The following ANO6 variants were observed in gnomAD, a reference collection of about 807,000 sequenced individuals.
The protein encoded by ANO6 is anoctamin-6.
ANO6 carries 106 observed loss-of-function variants against 117.5 expected under a neutral mutation model. That is an observed-to-expected ratio of 0.90 (90% confidence interval 0.77 to 1.06). The LOEUF (loss-of-function observed/expected upper bound fraction) is 1.06. ANO6 is among the 50% of genes least tolerant of loss of function. The pLI is 0.00. For synonymous variants in ANO6, 367 were observed against 385.1 expected (o/e 0.95, Z 0.55); for missense variants, 955 against 1,121.1 (o/e 0.85, Z 2.12).
intron 1 of ANO6, among the ~76,000 whole-genome samples, chr12:45,237,319 G>C (rs940874582): frequency 5.1e-4 from 77 of 152,192 alleles, no homozygotes; most frequent in African/African-American, 1.6e-3. Flanking sequence ...GTCCTGAATG[G>C]TATTGCCTAG....
In ANO6 at chr12:45,428,751, T is replaced by G. The variant is rs559580690; in HGVS notation, c.2527-354T>G. 2.6e-5 allele frequency among the ~76,000 whole-genome samples: 4 copies of G among 152,338 alleles called. No individual in the cohort carries two copies. The East Asian group carries it at 7.7e-4, about 29-fold the overall frequency. On this transcript the variant is annotated intron_variant, in intron 19 of 19. Coordinates refer to ENST00000320560, the MANE Select transcript of ANO6 (RefSeq NM_001025356.3). Reference sequence around the variant, plus strand: ...ATGATAGCACTGACTTTTGGAGAAGTGCAAGGCCATTAGAAAAAGAGACAC... The same window carrying G: ...ATGATAGCACTGACTTTTGGAGAAGGGCAAGGCCATTAGAAAAAGAGACAC...
intron 1 of ANO6, among the ~76,000 whole-genome samples, chr12:45,231,545 A>G (rs1474752210): frequency 1.3e-5 from 2 of 152,222 alleles, no homozygotes; most frequent in African/African-American, 4.8e-5. Flanking sequence ...TATTCACTTT[A>G]TATTTAAGCC....
Position 45,222,397 on chromosome 12 carries a change from G to A in ANO6, c.70+6006G>A, listed in dbSNP as rs1592832926. ...GCTGGTTTCGAACTCCTGATCTCAG[G>A]TGATCCGCCTGCCTCGGCCTCCCAA... On this transcript the variant is annotated intron_variant, in intron 1 of 19. Coordinates refer to ENST00000320560, the MANE Select transcript of ANO6 (RefSeq NM_001025356.3). 3.3e-5 allele frequency among the ~76,000 whole-genome samples: 5 copies of A among 152,212 alleles called. No individual in the cohort carries two copies. The South Asian group carries it at 1.0e-3, about 32-fold the overall frequency.
chr12:45,439,840 A>G, exon 20 of ANO6: 1 of 1,538,018 alleles, frequency 6.5e-7, no homozygotes, highest in Non-Finnish European at 8.8e-7. Flanking sequence ...TATATTTTCT[A>G]TTTCAATAAT....
chr12:45,361,220 A>G (rs1383919344), intron 8 of ANO6, among the ~76,000 whole-genome samples: 1 of 152,062 alleles, frequency 6.6e-6, no homozygotes, highest in Non-Finnish European at 1.5e-5. Context: ...TCTATCAACA[A>G]TATTTTATAG....
chr12:45,345,020 G>A (rs71461108), intron 3 of ANO6, among the ~76,000 whole-genome samples: 8,470 of 152,164 alleles, frequency 0.056, 465 homozygotes, highest in East Asian at 0.32. Context: ...CCCTATCTGA[G>A]TGGGGCATTT....
exon 20 of ANO6, chr12:45,439,743 A>G: frequency 6.5e-7 from 1 of 1,540,986 alleles, no homozygotes; most frequent in South Asian, 1.2e-5. Context: ...TCCGCCTCCC[A>G]GTTGACTGCT....
chr12:45,339,885 T>C (rs1164572808), intron 3 of ANO6, among the ~76,000 whole-genome samples: 1 of 152,112 alleles, frequency 6.6e-6, no homozygotes, highest in Non-Finnish European at 1.5e-5. Flanking sequence ...GCTATAAGAA[T>C]ATTTGAAATC....
downstream of ANO6, among the ~76,000 whole-genome samples, chr12:45,437,249 CAT>C (rs1363121474): frequency 6.6e-6 from 1 of 152,162 alleles, no homozygotes; most frequent in African/African-American, 2.4e-5. Context: ...CTCTCACGAG[CAT>C]AGAGTGGAGT....
Position 45,347,969 on chromosome 12 carries a change from G to T in ANO6, c.346-59G>T, listed in dbSNP as rs1362156650. 3.3e-6 allele frequency: 5 copies of T among 1,537,306 alleles called. No homozygotes were observed. The African/African-American group carries it at 6.8e-5, about 21-fold the overall frequency. On this transcript the variant is annotated intron_variant, in intron 4 of 19. Transcript: ENST00000320560. The stretch of plus-strand genomic sequence containing the variant: ...CCAACAACATAAGAAAAATCTATGT[G>T]TTTTAAAATTGTGAAAAGAGTTGGT...
At chr12:45,259,681 T>G (rs1490441120) in intron 1 of ANO6, among the ~76,000 whole-genome samples, 1 of 152,196 alleles carries the variant, frequency 6.6e-6, no homozygotes. Context: ...ACTAAGCCAT[T>G]ATAGTATGCC....
At chr12:45,376,709 G>C (rs943398483) in intron 9 of ANO6, among the ~76,000 whole-genome samples, 3 of 145,590 alleles carry the variant, frequency 2.1e-5, no homozygotes, top group South Asian at 2.3e-4. Context: ...TTGTGGGATG[G>C]GGGGAGGGGG....
At chr12:45,293,059 G>C in intron 1 of ANO6, 1 of 1,350,616 alleles carries the variant, frequency 7.4e-7, no homozygotes. Context: ...AAGGGACACT[G>C]TATTATTAGT....
At chr12:45,344,472 T>A (rs1941071720) in intron 3 of ANO6, among the ~76,000 whole-genome samples, 1 of 152,096 alleles carries the variant, frequency 6.6e-6, no homozygotes, top group Non-Finnish European at 1.5e-5. Flanking sequence ...AGAAGGCACA[T>A]CTTACATATC....
intron 1 of ANO6, among the ~76,000 whole-genome samples, chr12:45,268,609 T>G (rs1471307893): frequency 6.6e-6 from 1 of 152,182 alleles, no homozygotes; most frequent in Non-Finnish European, 1.5e-5. Context: ...GAAGAATAAC[T>G]GGGCTCTGAT....
chr12:45,314,478 C>T (rs958943118), intron 2 of ANO6, among the ~76,000 whole-genome samples: 2,912 of 141,946 alleles, frequency 0.021, 70 homozygotes, highest in Non-Finnish European at 0.026. Context: ...TATATATACA[C>T]ACACACACAC....
At chr12:45,436,705 C>T (rs1346875093), downstream of ANO6, among the ~76,000 whole-genome samples, 6 of 152,166 alleles carry the variant, frequency 3.9e-5, no homozygotes, top group South Asian at 2.1e-4. Flanking sequence ...TGGTGGCTCA[C>T]GTCTGTAATC....
At chr12:45,428,200 C>T (rs1333250682) in intron 19 of ANO6, among the ~76,000 whole-genome samples, 1 of 152,138 alleles carries the variant, frequency 6.6e-6, no homozygotes, top group African/African-American at 2.4e-5. Context: ...CTGGAAACAA[C>T]CTCAATGCCT....
intron 9 of ANO6, among the ~76,000 whole-genome samples, chr12:45,376,855 TAAAAG>T (rs1381048521): frequency 1.5e-5 from 2 of 129,858 alleles, no homozygotes. Flanking sequence ...AGTATAATAA[TAAAAG>T]AAAAAAAAAG....
Sources: allele counts gnomAD v4.1 joint callset (sites outside exome capture counted in the v4.1 genomes callset), GRCh38; gene constraint gnomAD v4.1.1; transcripts MANE v1.5; gene names NCBI Gene and HGNC (gene_info 2026-07-23, HGNC 2026-07-21).